Variants in ADARB2 observed in about 807,000 individuals in gnomAD.
ADARB2 encodes adenosine deaminase RNA specific B2 (inactive), also known as inactive double-stranded RNA-specific editase B2.
In ADARB2, 25 loss-of-function variants were observed where a neutral mutation model predicts 62.2. The observed-to-expected ratio is 0.40, with a 90% CI of 0.29 to 0.56. ADARB2 has a LOEUF of 0.56. Among genes scored for constraint, ADARB2 ranks in the 20% least tolerant of loss-of-function variants. The probability of loss-of-function intolerance (pLI) is 0.43; values close to 1 mark genes in which losing one functional copy is unlikely to be tolerated. For synonymous variants in ADARB2, 572 were observed against 500.8 expected, an observed-to-expected ratio of 1.14 and a Z score of -1.90; for missense variants, 1,071 against 1,077.4, an observed-to-expected ratio of 0.99 and a Z score of 0.08.
chr10:1,243,914 C>T (rs535182323), intron 4 of ADARB2, among the ~76,000 whole-genome samples: 2 of 152,320 alleles, frequency 1.3e-5, no homozygotes, highest in Non-Finnish European at 2.9e-5. Flanking sequence ...CCTGGTGGGA[C>T]GGGACTGCTC....
intron 3 of ADARB2, among the ~76,000 whole-genome samples, chr10:1,336,151 T>TTG: frequency 6.6e-6 from 1 of 152,352 alleles, no homozygotes; most frequent in South Asian, 2.1e-4. Context: ...CAGTGATTCT[T>TTG]GGCTTTGGGC....
intron 3 of ADARB2, among the ~76,000 whole-genome samples, chr10:1,332,598 A>T (rs368309483): frequency 2.6e-5 from 4 of 151,908 alleles, no homozygotes; most frequent in Admixed American, 2.0e-4. Context: ...GTCTTCCAGA[A>T]AGCACAAGAC....
intron 1 of ADARB2, among the ~76,000 whole-genome samples, chr10:1,389,940 C>T (rs995322148): frequency 6.6e-6 from 1 of 152,034 alleles, no homozygotes; most frequent in Non-Finnish European, 1.5e-5. Flanking sequence ...ACCACCTCCA[C>T]TTCTAGATAT....
chr10:1,664,520 G>A (rs1219085703), intron 1 of ADARB2, among the ~76,000 whole-genome samples: 2 of 152,164 alleles, frequency 1.3e-5, no homozygotes, highest in Non-Finnish European at 2.9e-5. Flanking sequence ...GAGGCTTCAC[G>A]GTCCAGAGAA....
chr10:1,515,049 C>T (rs941476469), intron 1 of ADARB2, among the ~76,000 whole-genome samples: 17 of 152,184 alleles, frequency 1.1e-4, no homozygotes, highest in East Asian at 1.9e-4. Flanking sequence ...TAGCTGAAAA[C>T]GAAATCTACT....
intron 4 of ADARB2, among the ~76,000 whole-genome samples, chr10:1,269,528 C>T (rs915811152): frequency 6.6e-6 from 1 of 152,206 alleles, no homozygotes; most frequent in African/African-American, 2.4e-5. Context: ...TTCAAAATAA[C>T]CTGATCAGGT....
intron 1 of ADARB2, among the ~76,000 whole-genome samples, chr10:1,464,446 C>CT (rs2131911876): frequency 1.5e-5 from 1 of 67,554 alleles, no homozygotes; most frequent in Admixed American, 1.6e-4. Flanking sequence ...GGCAGTGCAC[C>CT]GGAGAAGAGG....
chr10:1,264,051 T>G (rs1831169916), intron 4 of ADARB2, among the ~76,000 whole-genome samples: 1 of 152,132 alleles, frequency 6.6e-6, no homozygotes, highest in South Asian at 2.1e-4. Context: ...CGCTCCTTAT[T>G]GTACTCAGCC....
At position 1,371,188 on chromosome 10, in the gene ADARB2, T is replaced by C. The variant is rs1001333589; in HGVS notation, c.188-7271A>G. Among the ~76,000 whole-genome samples, 3 of 152,218 alleles carry C rather than the reference T, an allele frequency of 2.0e-5. No homozygotes were observed. The East Asian group carries it at 5.8e-4, about 29-fold the overall frequency. On this transcript the variant is annotated intron_variant, in intron 2 of 9. Transcript: ENST00000381312. ...CAACAAAGCTGACAAAAATAAACAA[T>C]GGGGAAAGGACATCCTAGTCAGTAA... is the stretch of plus-strand genomic sequence containing the variant.
rs377144803 is a variant in ADARB2, at chr10:1,195,389, G to GTTTTTTTTTT, written c.1864+4567_1864+4576dup. Among the ~76,000 whole-genome samples, 2 of 103,670 alleles carry GTTTTTTTTTT rather than the reference G, an allele frequency of 1.9e-5. 1 individual carries two copies. Among genetic ancestry groups the GTTTTTTTTTT allele is most frequent in the Non-Finnish European group, 3.7e-5 (2 of 54,360 alleles). The allele number at this position is 103,670 out of a possible 152,430, so 68.0% of individuals were successfully genotyped here. On this transcript the variant is annotated intron_variant, in intron 8 of 9. Coordinates refer to ENST00000381312, the MANE Select transcript of ADARB2 (RefSeq NM_018702.4). ...TCAGTATCTGTCAATGCTGTACACA[G>GTTTTTTTTTT]TTTTTTTTTTGTTTTTTTTTTTTTT...
chr10:1,496,251 T>C (rs115140815), intron 1 of ADARB2, among the ~76,000 whole-genome samples: 123 of 151,938 alleles, frequency 8.1e-4, no homozygotes, highest in African/African-American at 2.9e-3. Flanking sequence ...ACCATCATCA[T>C]TGTCATCAGC....
At position 1,643,750 on chromosome 10, in the gene ADARB2, C is replaced by CT. The variant is rs543838840; in HGVS notation, c.100+93300dup. Among the ~76,000 whole-genome samples the CT allele has an allele frequency of 1.2e-3, 181 of 152,084 alleles. 1 individual carries two copies. The highest frequency in any genetic ancestry group is 1.9e-3 in the Non-Finnish European group (131 of 67,974). On this transcript the variant is annotated intron_variant, in intron 1 of 9. Transcript: ENST00000381312. ...TGCAGCTCCAAAATCAAGTTTTTTTCTTTTTTTTCTGTACAGAGGCATTGG... is the reference window on the plus strand; with the variant it reads ...TGCAGCTCCAAAATCAAGTTTTTTTCTTTTTTTTTCTGTACAGAGGCATTGG...
intron 1 of ADARB2, among the ~76,000 whole-genome samples, chr10:1,448,350 A>C (rs1044606261): frequency 6.6e-6 from 1 of 152,156 alleles, no homozygotes; most frequent in Non-Finnish European, 1.5e-5. Flanking sequence ...CAAAGTGAAC[A>C]TGGGTTTTAT....
At chr10:1,611,068 G>A (rs1220496502) in intron 1 of ADARB2, among the ~76,000 whole-genome samples, 2 of 152,132 alleles carry the variant, frequency 1.3e-5, no homozygotes, top group Non-Finnish European at 2.9e-5. Context: ...CACTGGTGCC[G>A]CGTGTCTGCA....
At chr10:1,267,846 A>G (rs1320820863) in intron 4 of ADARB2, among the ~76,000 whole-genome samples, 1 of 152,184 alleles carries the variant, frequency 6.6e-6, no homozygotes, top group East Asian at 1.9e-4. Flanking sequence ...TAGTGGGAAT[A>G]TCTGCAACAC....
chr10:1,326,785 C>T (rs1461580220), intron 3 of ADARB2, among the ~76,000 whole-genome samples: 2 of 74,702 alleles, frequency 2.7e-5, no homozygotes, highest in Admixed American at 1.6e-4. Flanking sequence ...CCCCTCCTCA[C>T]TGCCCAGCGC....
intron 4 of ADARB2, among the ~76,000 whole-genome samples, chr10:1,257,947 C>T (rs989408873): frequency 2.0e-5 from 3 of 152,214 alleles, no homozygotes; most frequent in Non-Finnish European, 2.9e-5. Flanking sequence ...TACAGCTTCA[C>T]TCAGTTTCAC....
chr10:1,235,053 T>G (rs1472119783), intron 5 of ADARB2, among the ~76,000 whole-genome samples: 1 of 152,184 alleles, frequency 6.6e-6, no homozygotes, highest in Non-Finnish European at 1.5e-5. Flanking sequence ...GGCCCCACCA[T>G]GATCTTTTAC....
At chr10:1,346,349 C>T (rs1258566668) in intron 3 of ADARB2, among the ~76,000 whole-genome samples, 1 of 152,184 alleles carries the variant, frequency 6.6e-6, no homozygotes, top group African/African-American at 2.4e-5. Flanking sequence ...ACCGCGAGAA[C>T]CCCTCAGCCC....
Sources: allele counts gnomAD v4.1 joint callset (sites outside exome capture counted in the v4.1 genomes callset), GRCh38; gene constraint gnomAD v4.1.1; transcripts MANE v1.5; gene names NCBI Gene and HGNC (gene_info 2026-07-23, HGNC 2026-07-21).